FOCAD: variants seen among roughly 807,000 people sequenced by gnomAD.
The protein encoded by FOCAD is focadhesin, also known as KIAA1797.
In FOCAD, 198 loss-of-function variants were observed where a neutral mutation model predicts 225.6. The observed-to-expected ratio is 0.88, with a 90% confidence interval of 0.78 to 0.99. FOCAD has a LOEUF of 0.99. Ranked by LOEUF, FOCAD falls within the 50% of genes least tolerant of loss-of-function variation. The pLI is 0.00. For missense variants in FOCAD, 2,713 were observed against 2,123.6 expected, an observed-to-expected ratio of 1.28 and a Z score of -5.46; for synonymous variants, 897 against 755.0, an observed-to-expected ratio of 1.19 and a Z score of -3.08.
In FOCAD at chr9:20,976,515, G is replaced by A; in HGVS notation, c.4228G>A (p.Ala1410Thr). 1.2e-6 allele frequency: 2 copies of A among 1,613,214 alleles called. No individual in the cohort carries two copies. The highest frequency in any genetic ancestry group is 1.7e-5 in the Admixed American group (1 of 60,004). ...SYQYPPVNWA[A>T]LLSPLMRLNF... ...CCAATATCCTCCTGTGAACTGGGCT[G>A]CACTTCTCTCTCCACTTATGAGGCT... The change falls in exon 36 of 44, where the codon GCA becomes ACA. Residue 1410 changes from alanine to threonine, a missense_variant. By Grantham distance (58) the Ala-to-Thr change is moderately conservative. Transcript: ENST00000338382.
chr9:20,889,585 C>G (rs1353747769), intron 21 of FOCAD, among the ~76,000 whole-genome samples: 1 of 152,104 alleles, frequency 6.6e-6, no homozygotes, highest in Non-Finnish European at 1.5e-5. Flanking sequence ...CACTTTTGTT[C>G]CATTGAGATC....
At chr9:20,722,147 G>C (rs1193468649) in intron 4 of FOCAD, among the ~76,000 whole-genome samples, 3 of 150,190 alleles carry the variant, frequency 2.0e-5, no homozygotes, top group African/African-American at 7.4e-5. Context: ...GGCTCAAGTA[G>C]TCCTCCCGCC....
intron 23 of FOCAD, among the ~76,000 whole-genome samples, chr9:20,914,281 A>G (rs1392473273): frequency 6.6e-6 from 1 of 152,174 alleles, no homozygotes; most frequent in Admixed American, 6.5e-5. Flanking sequence ...TGTTCTAAGC[A>G]CAGAGGAACA....
At position 20,865,925 on chromosome 9, in the gene FOCAD, G is replaced by C. The variant is rs752381628; in HGVS notation, c.2056-1G>C. The C allele has an allele frequency of 1.2e-6, 2 of 1,605,068 alleles. No individual in the cohort carries two copies. Among genetic ancestry groups the C allele is most frequent in the Middle Eastern group, 1.7e-4 (1 of 6,036 alleles). On this transcript the variant is annotated splice_acceptor_variant, in intron 16 of 43. Coordinates refer to ENST00000338382, the MANE Select transcript of FOCAD (RefSeq NM_001375567.1). LOFTEE classifies it high-confidence loss of function. The stretch of plus-strand genomic sequence containing the variant: ...TATTCTTTTGTATGTTAACTTTTCA[G>C]AATTTTAAAGTTCAAGTCCTCAGCT...
At chr9:20,820,813 T>G (rs1824240188) in intron 13 of FOCAD, 128 bp from the exon 14 acceptor site, 1 of 1,004,082 alleles carries the variant, frequency 1.0e-6, no homozygotes, top group Non-Finnish European at 1.5e-6. Context: ...CTCTGCTGAT[T>G]AGAAGAACGA....
In FOCAD at chr9:20,820,559, T is replaced by C. The variant is rs536034507; in HGVS notation, c.1662+134T>C. On this transcript the variant is annotated intron_variant, in intron 13 of 43. Coordinates refer to ENST00000338382, the MANE Select transcript of FOCAD (RefSeq NM_001375567.1). ...CATCAGTGATTGCATTGAAAAAGTTTTGATTTATTGTGATGCATTTGTAAT... is the reference window on the plus strand; with the variant it reads ...CATCAGTGATTGCATTGAAAAAGTTCTGATTTATTGTGATGCATTTGTAAT... 425 of 681,336 alleles carry C rather than the reference T, an allele frequency of 6.2e-4. 2 individuals are homozygous for C. The African/African-American group carries it at 7.3e-3, about 12-fold the overall frequency. 42.2% of individuals were successfully genotyped at this position (681,336 alleles called of 1,614,324 possible). A position where few individuals can be genotyped will look rare whatever the true frequency, so the allele number is the denominator to read the frequency against.
intron 11 of FOCAD, among the ~76,000 whole-genome samples, chr9:20,806,125 A>C (rs1460154511): frequency 6.6e-6 from 1 of 152,232 alleles, no homozygotes; most frequent in African/African-American, 2.4e-5. Context: ...TTAAAAATTA[A>C]GTTGACCATT....
At chr9:20,908,525 G>A (rs370622688) in intron 22 of FOCAD, among the ~76,000 whole-genome samples, 4 of 152,040 alleles carry the variant, frequency 2.6e-5, no homozygotes, top group East Asian at 3.9e-4. Flanking sequence ...TAGTCTACCA[G>A]CCAAACTTAG....
At chr9:20,674,447 A>G (rs964866371) in intron 2 of FOCAD, among the ~76,000 whole-genome samples, 2 of 152,196 alleles carry the variant, frequency 1.3e-5, no homozygotes, top group African/African-American at 4.8e-5. Context: ...TGCTAATTAA[A>G]CATCTGTCAG....
intron 35 of FOCAD, among the ~76,000 whole-genome samples, chr9:20,965,412 C>T (rs901259402): frequency 3.3e-5 from 5 of 152,048 alleles, no homozygotes; most frequent in South Asian, 2.1e-4. Flanking sequence ...AGATATCAGG[C>T]GCCAAGACTG....
chr9:20,715,543 A>G (rs898840814), intron 2 of FOCAD, 133 bp downstream of exon 2: 1 of 363,992 alleles, frequency 2.7e-6, no homozygotes, highest in African/African-American at 2.1e-5. Flanking sequence ...AAACAACTTT[A>G]AATATACATT....
chr9:20,955,755 T>G (rs976367311), intron 35 of FOCAD, among the ~76,000 whole-genome samples: 2 of 152,186 alleles, frequency 1.3e-5, no homozygotes, highest in African/African-American at 4.8e-5. Context: ...CTTTTTTGCT[T>G]CTTTTCTACT....
At chr9:20,954,108 G>A (rs548168036) in intron 35 of FOCAD, among the ~76,000 whole-genome samples, 2 of 152,122 alleles carry the variant, frequency 1.3e-5, no homozygotes, top group East Asian at 3.9e-4. Flanking sequence ...TTATTCTAGG[G>A]TCCTGAATTA....
intron 11 of FOCAD, among the ~76,000 whole-genome samples, chr9:20,798,780 G>T (rs180768653): frequency 9.0e-4 from 137 of 151,916 alleles, no homozygotes; most frequent in Non-Finnish European, 3.1e-4. Context: ...CAGTTTTGTT[G>T]ATCTTTTCAA....
chr9:20,895,953 C>G (rs1259911050), intron 21 of FOCAD, among the ~76,000 whole-genome samples: 1 of 151,808 alleles, frequency 6.6e-6, no homozygotes, highest in African/African-American at 2.4e-5. Flanking sequence ...TGCTCCTGAT[C>G]TTAGTGGGAA....
chr9:20,685,598 T>C (rs1286973721), intron 1 of FOCAD, among the ~76,000 whole-genome samples: 2 of 152,198 alleles, frequency 1.3e-5, no homozygotes, highest in Non-Finnish European at 2.9e-5. Flanking sequence ...TAATGTTACA[T>C]ACAAAGGTAT....
chr9:20,904,667 C>T (rs564078911), intron 21 of FOCAD, among the ~76,000 whole-genome samples: 3 of 152,104 alleles, frequency 2.0e-5, no homozygotes, highest in South Asian at 2.1e-4. Context: ...AGATAGCTGT[C>T]ATTGCAAGAG....
intron 1 of FOCAD, among the ~76,000 whole-genome samples, chr9:20,691,867 G>T (rs539315557): frequency 1.3e-5 from 2 of 152,174 alleles, no homozygotes; most frequent in South Asian, 4.1e-4. Flanking sequence ...TCCGCCTCCC[G>T]GGTTCAAGCG....
chr9:20,936,378 T>C (rs1835970723), intron 28 of FOCAD, among the ~76,000 whole-genome samples: 1 of 152,238 alleles, frequency 6.6e-6, no homozygotes, highest in Non-Finnish European at 1.5e-5. Context: ...TAGCTGCATG[T>C]GTAAAGGGTT....
Sources: allele counts gnomAD v4.1 joint callset (sites outside exome capture counted in the v4.1 genomes callset), GRCh38; gene constraint gnomAD v4.1.1; transcripts MANE v1.5; gene names NCBI Gene and HGNC (gene_info 2026-07-23, HGNC 2026-07-21).